RPTOR: variants seen among roughly 807,000 people sequenced by gnomAD.
The protein encoded by RPTOR is regulatory-associated protein of mTOR.
In RPTOR, 21 loss-of-function variants were observed where a neutral mutation model predicts 169.9. The observed-to-expected ratio is 0.12, with a 90% CI of 0.09 to 0.18. The LOEUF (loss-of-function observed/expected upper bound fraction) is 0.18. RPTOR is among the 10% of genes least tolerant of loss of function. RPTOR has a pLI of 1.00. For synonymous variants in RPTOR, 732 were observed against 753.2 expected (o/e 0.97, Z 0.46); for missense variants, 1,133 against 1,855.9 (o/e 0.61, Z 7.16).
chr17:80,585,899 G>A (rs1356668828), intron 1 of RPTOR, among the ~76,000 whole-genome samples: 1 of 152,002 alleles, frequency 6.6e-6, no homozygotes, highest in Non-Finnish European at 1.5e-5. Flanking sequence ...CTCATTCTAA[G>A]TCTGCTTCCT....
chr17:80,917,044 A>G (rs1471234323), intron 21 of RPTOR, among the ~76,000 whole-genome samples: 1 of 152,180 alleles, frequency 6.6e-6, no homozygotes, highest in Non-Finnish European at 1.5e-5. Flanking sequence ...GCATATTCCA[A>G]AGCACCAAAC....
chr17:80,962,160 T>C (rs769698145), intron 31 of RPTOR, among the ~76,000 whole-genome samples: 9 of 152,140 alleles, frequency 5.9e-5, no homozygotes, highest in Non-Finnish European at 1.0e-4. Context: ...AACCAGGAGC[T>C]CACAGCCTCC....
At chr17:80,583,227 T>G (rs1406033448) in intron 1 of RPTOR, among the ~76,000 whole-genome samples, 3 of 142,284 alleles carry the variant, frequency 2.1e-5, no homozygotes, top group African/African-American at 7.8e-5. Context: ...CTTGCTCTGT[T>G]GCCCAGGCTG....
intron 20 of RPTOR, among the ~76,000 whole-genome samples, chr17:80,897,682 C>G (rs2143895378): frequency 6.6e-6 from 1 of 152,328 alleles, no homozygotes; most frequent in East Asian, 1.9e-4. Flanking sequence ...TGGGCTGTGA[C>G]TTTTCTTGTC....
intron 2 of RPTOR, among the ~76,000 whole-genome samples, chr17:80,627,212 G>T (rs1249327856): frequency 3.9e-5 from 6 of 152,188 alleles, no homozygotes; most frequent in Admixed American, 3.9e-4. Flanking sequence ...TAGAGATGGG[G>T]TTTCACCATT....
intron 28 of RPTOR, among the ~76,000 whole-genome samples, chr17:80,952,046 G>A (rs1030798963): frequency 2.0e-5 from 3 of 152,250 alleles, no homozygotes; most frequent in African/African-American, 7.2e-5. Flanking sequence ...ACGGTGTCAA[G>A]GGAGGGCCCG....
At chr17:80,946,986 T>C (rs2069111820) in intron 26 of RPTOR, among the ~76,000 whole-genome samples, 1 of 147,110 alleles carries the variant, frequency 6.8e-6, no homozygotes, top group Non-Finnish European at 1.5e-5. Flanking sequence ...TATTCTCTCT[T>C]TGTTTGTTTG....
At chr17:80,590,412 C>T (rs886291626) in intron 1 of RPTOR, among the ~76,000 whole-genome samples, 16 of 149,324 alleles carry the variant, frequency 1.1e-4, no homozygotes, top group African/African-American at 2.7e-4. Flanking sequence ...TGCAGGTATG[C>T]GCACACACGT....
intron 1 of RPTOR, among the ~76,000 whole-genome samples, chr17:80,574,718 C>T (rs888678542): frequency 1.3e-5 from 2 of 151,756 alleles, no homozygotes; most frequent in Non-Finnish European, 2.9e-5. Flanking sequence ...TGCAGTGGTG[C>T]GATCATGGCT....
chr17:80,698,709 GA>G (rs1443476479), intron 3 of RPTOR, among the ~76,000 whole-genome samples: 2 of 152,234 alleles, frequency 1.3e-5, no homozygotes, highest in Non-Finnish European at 2.9e-5. Flanking sequence ...TGGAACAAAG[GA>G]AATGTCTTTT....
At chr17:80,930,344 T>TCAGCTCATCCTCAGCTCATCCC (rs1567993630) in intron 24 of RPTOR, among the ~76,000 whole-genome samples, 111 of 10,342 alleles carry the variant, frequency 0.011, no homozygotes, top group Admixed American at 0.014. Flanking sequence ...CAGCTCATCC[T>TCAGCTCATCCTCAGCTCATCCC]CAGCTCATCC....
At chr17:80,615,736 C>T (rs1428346280) in intron 1 of RPTOR, among the ~76,000 whole-genome samples, 1 of 152,134 alleles carries the variant, frequency 6.6e-6, no homozygotes, top group Admixed American at 6.5e-5. Context: ...GTGACAGCTT[C>T]CTGGCTAATT....
intron 2 of RPTOR, among the ~76,000 whole-genome samples, chr17:80,638,569 T>TA (rs990421280): frequency 5.1e-4 from 77 of 151,318 alleles, no homozygotes; most frequent in African/African-American, 1.7e-3. Context: ...GCTGATTAAT[T>TA]AAAAAAAAAT....
chr17:80,666,130 C>A (rs1252504947), intron 3 of RPTOR, among the ~76,000 whole-genome samples: 3 of 152,014 alleles, frequency 2.0e-5, no homozygotes, highest in Non-Finnish European at 4.4e-5. Flanking sequence ...AAAAATCTTG[C>A]CATTTGATAT....
intron 3 of RPTOR, among the ~76,000 whole-genome samples, chr17:80,685,634 T>TC (rs1249045412): frequency 1.8e-5 from 1 of 56,090 alleles, no homozygotes; most frequent in African/African-American, 5.3e-5. Context: ...TATATTTTTT[T>TC]TTTTTTTTTT....
At chr17:80,580,870 C>T (rs561500693) in intron 1 of RPTOR, among the ~76,000 whole-genome samples, 7 of 152,224 alleles carry the variant, frequency 4.6e-5, no homozygotes, top group African/African-American at 1.7e-4. Flanking sequence ...TAAAGTGATC[C>T]TCCCATCTCA....
rs552207381 is a variant in RPTOR at position 80,888,250 on chromosome 17, G to GA, written c.1983+3103dup. Among the ~76,000 whole-genome samples the GA allele has an allele frequency of 7.2e-5, 11 of 152,318 alleles. No homozygotes were observed. In the South Asian group the frequency reaches 2.3e-3, roughly 32 times the overall value. ...CCACCTCAGCCTCCTGAGTAGCTGG[G>GA]ACCACAGGCGCGTGCCACCATGCTG... On this transcript the variant is annotated intron_variant, in intron 17 of 33. Coordinates refer to ENST00000306801, the MANE Select transcript of RPTOR (RefSeq NM_020761.3).
chr17:80,810,200 C>A (rs2067260027), intron 7 of RPTOR, among the ~76,000 whole-genome samples: 1 of 151,992 alleles, frequency 6.6e-6, no homozygotes, highest in Non-Finnish European at 1.5e-5. Context: ...GAAATCTTTG[C>A]CAACCCTCGG....
intron 21 of RPTOR, among the ~76,000 whole-genome samples, chr17:80,915,528 G>A (rs1235170961): frequency 2.4e-5 from 3 of 126,796 alleles, no homozygotes; most frequent in African/African-American, 3.1e-5. Flanking sequence ...AGCAGACGTC[G>A]GGAAAACCAG....
Sources: gnomAD v4.1 joint callset for allele counts (sites outside exome capture counted in the v4.1 genomes callset) on GRCh38, gnomAD v4.1.1 for gene constraint, MANE v1.5 for transcripts, NCBI Gene and HGNC (gene_info 2026-07-23, HGNC 2026-07-21) for gene names.